The following GREB1 variants were observed in gnomAD, a reference collection of about 807,000 sequenced individuals.
The protein encoded by GREB1 is protein GREB1.
In GREB1, 106 loss-of-function variants were observed where a neutral mutation model predicts 200.7. The observed-to-expected ratio is 0.53, with a 90% CI of 0.45 to 0.62. The LOEUF (loss-of-function observed/expected upper bound fraction) is 0.62, where lower values mean the gene tolerates loss of function less well. Ranked by LOEUF, GREB1 falls within the 20% of genes least tolerant of loss-of-function variation. The pLI, the probability that GREB1 is intolerant of heterozygous loss-of-function variation, is 0.00. For synonymous variants in GREB1, 1,132 were observed against 1,092.4 expected, an observed-to-expected ratio of 1.04 and a Z score of -0.72; for missense variants, 2,243 against 2,556.8, an observed-to-expected ratio of 0.88 and a Z score of 2.65.
intron 15 of GREB1, among the ~76,000 whole-genome samples, chr2:11,600,487 G>A (rs1681685855): frequency 6.6e-6 from 1 of 152,192 alleles, no homozygotes; most frequent in African/African-American, 2.4e-5. Context: ...AGGAACAAAT[G>A]ATTCATGGAA....
rs1330037513 is a variant in GREB1, at chr2:11,640,340, G to A, written c.5736G>A (p.Thr1912=). 8 of 1,614,146 alleles carry A rather than the reference G, an allele frequency of 5.0e-6. No homozygotes were observed. Among genetic ancestry groups the A allele is most frequent in the Middle Eastern group, 1.6e-4 (1 of 6,062 alleles). The change falls in exon 33 of 33, where the codon ACG becomes ACA. Residue 1912 remains threonine, a synonymous_variant. Transcript: ENST00000381486. This position sits in a 1 kb window ranked among gnomAD's most constrained non-coding sequence, Gnocchi z 4.6. The stretch of plus-strand genomic sequence containing the variant: ...AGGACCGGAGCTCACTGCGCCAGAC[G>A]GTCGTCCGCCTGGAGCTCGAGGACG... The part of the protein sequence containing the change: ...ICQDRSSLRQ[T]VVRLELEDEW...
At chr2:11,527,784 G>A (rs1338083592) in intron 1 of GREB1, among the ~76,000 whole-genome samples, 8 of 152,202 alleles carry the variant, frequency 5.3e-5, no homozygotes, top group Non-Finnish European at 7.3e-5. Context: ...AAGAGCTGGT[G>A]TGACGGGTGC....
intron 30 of GREB1, 124 bp downstream of exon 30, chr2:11,635,529 C>T: frequency 8.1e-6 from 9 of 1,106,634 alleles, no homozygotes; most frequent in Non-Finnish European, 1.0e-5. Flanking sequence ...CAGGGCCCTA[C>T]TGGGTGGGGT....
intron 1 of GREB1, among the ~76,000 whole-genome samples, chr2:11,501,868 TCTTA>T (rs1673047085): frequency 6.8e-6 from 1 of 145,990 alleles, no homozygotes; most frequent in Non-Finnish European, 1.5e-5. Context: ...GGAACTGATT[TCTTA>T]CTTATTAGAG....
intron 7 of GREB1, among the ~76,000 whole-genome samples, chr2:11,583,535 G>A (rs1218822737): frequency 6.6e-6 from 1 of 152,080 alleles, no homozygotes; most frequent in Admixed American, 6.5e-5. Context: ...AGACTCTAAA[G>A]CAATGATTCT....
chr2:11,585,133 C>A, intron 7 of GREB1, 28 bp from the exon 8 acceptor site: 1 of 1,288,410 alleles, frequency 7.8e-7, no homozygotes, highest in South Asian at 1.4e-5. Flanking sequence ...CTGGTGATAG[C>A]CTAATCCACA....
intron 1 of GREB1, among the ~76,000 whole-genome samples, chr2:11,520,273 C>A (rs979977312): frequency 1.1e-4 from 16 of 152,320 alleles, no homozygotes; most frequent in Middle Eastern, 3.4e-3. Flanking sequence ...CCTATTGCTG[C>A]TGTAACAAAT....
chr2:11,486,183 G>A (rs975571607), intron 1 of GREB1, among the ~76,000 whole-genome samples: 1 of 152,182 alleles, frequency 6.6e-6, no homozygotes, highest in African/African-American at 2.4e-5. Context: ...CGTCCAGGGT[G>A]ACCTGTAGTT....
chr2:11,566,740 C>T, intron 4 of GREB1, 84 bp downstream of exon 4: 3 of 1,265,492 alleles, frequency 2.4e-6, no homozygotes, highest in Non-Finnish European at 3.2e-6. Context: ...GGGGTGGTGG[C>T]AACAGAGGGA....
At chr2:11,523,579 C>T (rs1162410084) in intron 1 of GREB1, among the ~76,000 whole-genome samples, 3 of 152,154 alleles carry the variant, frequency 2.0e-5, no homozygotes, top group Non-Finnish European at 4.4e-5. Context: ...ACACAGAGAT[C>T]TGCAGAGCTC....
intron 9 of GREB1, chr2:11,587,693 TAACAC>T (rs1680267476): frequency 6.1e-6 from 6 of 980,402 alleles, no homozygotes; most frequent in African/African-American, 3.8e-5. Flanking sequence ...GAGTACAAGA[TAACAC>T]ACACACACAC....
At chr2:11,587,731 ACACACACACACGC>A in intron 9 of GREB1, 1 of 1,195,068 alleles carries the variant, frequency 8.4e-7, no homozygotes, top group South Asian at 2.6e-5. Flanking sequence ...ACACACACAC[ACACACACACACGC>A]CACCTTTGGG....
intron 6 of GREB1, 130 bp downstream of exon 6, chr2:11,578,561 CCTTTA>C: frequency 1.2e-6 from 1 of 868,788 alleles, no homozygotes; most frequent in Non-Finnish European, 1.7e-6. Context: ...TTCTATAACA[CCTTTA>C]CTTTCATCTT....
At chr2:11,546,091 C>T (rs929308180) in intron 1 of GREB1, among the ~76,000 whole-genome samples, 1 of 152,002 alleles carries the variant, frequency 6.6e-6, no homozygotes, top group East Asian at 1.9e-4. Flanking sequence ...GGAGGAGAAT[C>T]GTTTGAACCC....
chr2:11,577,197 A>G (rs1558572232), intron 5 of GREB1, among the ~76,000 whole-genome samples: 1 of 152,146 alleles, frequency 6.6e-6, no homozygotes, highest in East Asian at 1.9e-4. Context: ...TCCCCTAGGG[A>G]ACGTGTGGCC....
intron 1 of GREB1, among the ~76,000 whole-genome samples, chr2:11,498,603 T>A (rs1672949886): frequency 6.6e-6 from 1 of 152,048 alleles, no homozygotes; most frequent in Non-Finnish European, 1.5e-5. Context: ...GGGACGTGGG[T>A]CAGGGGACAG....
Position 11,600,804 on chromosome 2 carries a change from A to G in GREB1, c.2338A>G (p.Thr780Ala). 1 of 1,612,838 alleles carries G rather than the reference A, an allele frequency of 6.2e-7. No individual in the cohort carries two copies. The highest frequency in any genetic ancestry group is 8.5e-7 in the Non-Finnish European group (1 of 1,178,798). The change falls in exon 16 of 33, where the codon ACT (threonine) becomes GCT (alanine). Residue 780 changes from threonine (T) to alanine (A), a missense_variant. By Grantham distance (58) the Thr-to-Ala change is moderately conservative (BLOSUM62 0). This residue lies in a region of GREB1 where 1,178 missense variants were observed against 1,387.4 expected (regional missense o/e 0.85). Transcript: ENST00000381486. ...DHAHWDLVSS[T>A]VHNLYSQSDP... Reference sequence around the variant, plus strand: ...TTGTGTCTTCTCCTCCCTCAGTAGCACTGTTCATAACCTCTATTCTCAAAG... The same window carrying G: ...TTGTGTCTTCTCCTCCCTCAGTAGCGCTGTTCATAACCTCTATTCTCAAAG...
chr2:11,633,163 G>A lies in GREB1; in HGVS notation c.4991+100G>A. The A allele has an allele frequency of 3.4e-6, 4 of 1,190,108 alleles. No individual in the cohort carries two copies. Among genetic ancestry groups the A allele is most frequent in the Non-Finnish European group, 4.9e-6 (4 of 816,532 alleles). The allele number at this position is 1,190,108 out of a possible 1,614,324, so 73.7% of individuals were successfully genotyped here. ...GAATGTGCCCACCCCTGGAAGACCG[G>A]AGGGCCTCTCATAGTAGAAGGGGTG... On this transcript the variant is annotated intron_variant, in intron 28 of 32. Transcript: ENST00000381486. The surrounding 1 kb of genome is among the most constrained non-coding windows in gnomAD (Gnocchi z 4.1).
intron 20 of GREB1, among the ~76,000 whole-genome samples, chr2:11,616,386 A>G (rs1683408596): frequency 6.6e-6 from 1 of 152,100 alleles, no homozygotes; most frequent in Admixed American, 6.5e-5. Flanking sequence ...CTCCTCCACC[A>G]GCTTGCAGCT....
Sources: gnomAD v4.1 joint callset for allele counts (sites outside exome capture counted in the v4.1 genomes callset) on GRCh38, gnomAD v4.1.1 for gene constraint, gnomAD v4.1.1 regional missense constraint, Gnocchi (gnomAD v3.1) non-coding constraint, MANE v1.5 for transcripts, NCBI Gene and HGNC (gene_info 2026-07-23, HGNC 2026-07-21) for gene names.